UBE3A: variants seen among roughly 807,000 people sequenced by gnomAD.
UBE3A encodes the protein ubiquitin protein ligase E3A.
Under a neutral mutation model 83.4 loss-of-function variants are expected in UBE3A, and 6 were observed. The observed-to-expected ratio is 0.07, with a 90% CI of 0.04 to 0.14. The LOEUF is 0.14. Ranked by LOEUF, UBE3A falls within the 10% of genes least tolerant of loss-of-function variation. The pLI is 1.00. For synonymous variants in UBE3A, 337 were observed against 355.4 expected, an observed-to-expected ratio of 0.95 and a Z score of 0.58; for missense variants, 456 against 1,036.1, an observed-to-expected ratio of 0.44 and a Z score of 7.69.
intron 3 of UBE3A, chr15:25,408,029 A>T (rs1349131000): frequency 2.6e-5 from 4 of 152,734 alleles, no homozygotes; most frequent in Non-Finnish European, 4.4e-5. Context: ...TGAGCTCAGG[A>T]GTTCAAGGTC....
intron 1 of UBE3A, among the ~76,000 whole-genome samples, chr15:25,425,433 T>G (rs1056658119): frequency 5.3e-5 from 8 of 152,278 alleles, no homozygotes; most frequent in African/African-American, 1.9e-4. Context: ...GTGAATTTTA[T>G]AGTATGTGAA....
intron 3 of UBE3A, chr15:25,407,165 C>A: frequency 1.5e-6 from 2 of 1,346,336 alleles, no homozygotes; most frequent in Non-Finnish European, 2.0e-6. Context: ...CCCCATGTAC[C>A]AGCTGACTCA....
At position 25,340,080 on chromosome 15, in the gene UBE3A, C is replaced by T; in HGVS notation, c.2498+5G>A. The T allele has an allele frequency of 1.9e-6, 3 of 1,613,954 alleles. No homozygotes were observed. The highest frequency in any genetic ancestry group is 2.5e-6 in the Non-Finnish European group (3 of 1,179,922). On this transcript the variant is annotated splice_donor_5th_base_variant and intron_variant, in intron 12 of 12. Coordinates refer to ENST00000648336, the MANE Select transcript of UBE3A (RefSeq NM_130839.5). ...GTATACAGTCACAAGTTAATAATTACCTACCTTTCTGTGTCTGGGCCATTT... is the reference window on the plus strand; with the variant it reads ...GTATACAGTCACAAGTTAATAATTATCTACCTTTCTGTGTCTGGGCCATTT...
chr15:25,359,149 T>C (rs1266289493), intron 7 of UBE3A, among the ~76,000 whole-genome samples: 1 of 152,182 alleles, frequency 6.6e-6, no homozygotes, highest in African/African-American at 2.4e-5. Flanking sequence ...TTCAGTTATC[T>C]TACTGGAACT....
chr15:25,393,461 T>C (rs772784405), intron 4 of UBE3A, among the ~76,000 whole-genome samples: 9 of 152,148 alleles, frequency 5.9e-5, no homozygotes, highest in Non-Finnish European at 1.2e-4. Flanking sequence ...TTTGGGGAAA[T>C]AGCATCCCTT....
At chr15:25,407,358 C>A (rs573145726) in intron 3 of UBE3A, 16 of 794,304 alleles carry the variant, frequency 2.0e-5, no homozygotes, top group Admixed American at 5.9e-5. Flanking sequence ...AAAATGAGGA[C>A]ATGATGATAG....
chr15:25,408,746 T>C lies in UBE3A; in HGVS notation c.20+342A>G, dbSNP rs1420730718. On this transcript the variant is annotated intron_variant, in intron 3 of 12. Coordinates refer to ENST00000648336, the MANE Select transcript of UBE3A (RefSeq NM_130839.5). ...TAAAAACTTCTAGAGAAATGTTTAGTTAAAACGTTCACCACATAAAAGGCA... is the reference window on the plus strand; with the variant it reads ...TAAAAACTTCTAGAGAAATGTTTAGCTAAAACGTTCACCACATAAAAGGCA... 4.3e-6 allele frequency: 6 copies of C among 1,384,056 alleles called. No homozygotes were observed. In the African/African-American group the frequency reaches 8.7e-5, roughly 20 times the overall value. 85.7% of individuals were successfully genotyped at this position (1,384,056 alleles called of 1,614,324 possible).
At chr15:25,428,768 G>A (rs1407675543) in intron 1 of UBE3A, among the ~76,000 whole-genome samples, 1 of 152,136 alleles carries the variant, frequency 6.6e-6, no homozygotes, top group African/African-American at 2.4e-5. Flanking sequence ...AAGTATGGGT[G>A]AGGATGCTAG....
rs1287652218 is a variant in UBE3A at position 25,337,857 on chromosome 15, CTACT to C, written c.*1276_*1279del. The C allele has an allele frequency of 6.6e-6, 1 of 152,138 alleles. No homozygotes were observed. The highest frequency in any genetic ancestry group is 1.5e-5 in the Non-Finnish European group (1 of 67,994). The allele number at this position is 152,138 out of a possible 1,614,324, so 9.4% of individuals were successfully genotyped here. A position where few individuals can be genotyped will look rare whatever the true frequency, so the allele number is the denominator to read the frequency against. Reference sequence around the variant, plus strand: ...ACACAGAAGACTAGGAAAGGGGAAACTACTTACTTCTGGAAATCAGTAATGTAAA... The same window carrying C: ...ACACAGAAGACTAGGAAAGGGGAAACTACTTCTGGAAATCAGTAATGTAAA... On this transcript the variant is annotated 3_prime_UTR_variant, in exon 13 of 13. Transcript: ENST00000648336.
At chr15:25,380,281 G>A (rs1005767869) in intron 4 of UBE3A, among the ~76,000 whole-genome samples, 12 of 151,796 alleles carry the variant, frequency 7.9e-5, no homozygotes, top group Non-Finnish European at 1.3e-4. Context: ...TATCAGCAGC[G>A]TGAAAAAGGA....
At chr15:25,358,201 A>T (rs2077513812) in intron 7 of UBE3A, among the ~76,000 whole-genome samples, 1 of 152,010 alleles carries the variant, frequency 6.6e-6, no homozygotes, top group African/African-American at 2.4e-5. Flanking sequence ...GAGAAACCCC[A>T]TCTCTACAAA....
chr15:25,429,605 T>G (rs1373722322), intron 1 of UBE3A, among the ~76,000 whole-genome samples: 1 of 152,066 alleles, frequency 6.6e-6, no homozygotes, highest in African/African-American at 2.4e-5. Context: ...TCCCAGCACT[T>G]TGGGACGCCA....
chr15:25,423,756 G>A (rs1038569027), intron 1 of UBE3A, among the ~76,000 whole-genome samples: 1 of 152,138 alleles, frequency 6.6e-6, no homozygotes, highest in Non-Finnish European at 1.5e-5. Context: ...ATGATGCACA[G>A]ATTTAATGCA....
In UBE3A at chr15:25,351,902, G is replaced by A. The variant is rs1040028288; in HGVS notation, c.2354+2451C>T. On this transcript the variant is annotated intron_variant, in intron 11 of 12. Coordinates refer to ENST00000648336, the MANE Select transcript of UBE3A (RefSeq NM_130839.5). ...GTTTCAAAGGTTTGATTCAGATTCA[G>A]AGTTGATTTTGCTAGGTATGGTGGC... 3.3e-5 allele frequency among the ~76,000 whole-genome samples: 5 copies of A among 152,192 alleles called. No homozygotes were observed. In the South Asian group the frequency reaches 8.3e-4, roughly 25 times the overall value.
rs369750030 is a variant in UBE3A, at chr15:25,342,288, G to C, written c.2355-2060C>G. ...GCTTAACTGAACCAGCTACACCTAA[G>C]GAGGTAGACCAAAGAGCACCACCGA... On this transcript the variant is annotated intron_variant, in intron 11 of 12. Coordinates refer to ENST00000648336, the MANE Select transcript of UBE3A (RefSeq NM_130839.5). 1.4e-4 allele frequency among the ~76,000 whole-genome samples: 21 copies of C among 152,168 alleles called. 2 individuals carry two copies. Among genetic ancestry groups the C allele is most frequent in the African/African-American group, 4.8e-4 (20 of 41,502 alleles).
rs376669714 is a variant in UBE3A at position 25,359,418 on chromosome 15, C to CAT, written c.1753+964_1753+965insAT. Among the ~76,000 whole-genome samples, 9 of 138,924 alleles carry CAT rather than the reference C, an allele frequency of 6.5e-5. No homozygotes were observed. The Admixed American group carries it at 6.6e-4, about 10-fold the overall frequency. 91.1% of individuals were successfully genotyped at this position (138,924 alleles called of 152,430 possible). On this transcript the variant is annotated intron_variant, in intron 7 of 12. Transcript: ENST00000648336. ...CTAGCTAGATTATAGATAAGGGATGCGTGTGTGTGTGTGTGTGTGTGTGTG... is the reference window on the plus strand; with the variant it reads ...CTAGCTAGATTATAGATAAGGGATGCATGTGTGTGTGTGTGTGTGTGTGTGTG...
At chr15:25,383,281 C>T (rs952093871) in intron 4 of UBE3A, among the ~76,000 whole-genome samples, 3 of 152,078 alleles carry the variant, frequency 2.0e-5, no homozygotes, top group African/African-American at 7.2e-5. Context: ...ATTCTTAGGA[C>T]AAAAACCAAT....
intron 3 of UBE3A, chr15:25,408,362 T>C (rs991481684): frequency 7.2e-6 from 4 of 558,358 alleles, no homozygotes; most frequent in Non-Finnish European, 1.3e-5. Flanking sequence ...GCAGAACATA[T>C]AACCTAATTC....
At chr15:25,348,113 A>T (rs530808242) in intron 11 of UBE3A, among the ~76,000 whole-genome samples, 2 of 152,322 alleles carry the variant, frequency 1.3e-5, no homozygotes, top group South Asian at 4.1e-4. Context: ...AAAAACTTAT[A>T]TAATGATAAA....
Sources: gnomAD v4.1 joint callset for allele counts (sites outside exome capture counted in the v4.1 genomes callset) on GRCh38, gnomAD v4.1.1 for gene constraint, MANE v1.5 for transcripts, NCBI Gene and HGNC (gene_info 2026-07-23, HGNC 2026-07-21) for gene names.